Variants in MSH3 observed in about 807,000 individuals in gnomAD.
MSH3 encodes the protein mutS homolog 3.
In MSH3, 106 loss-of-function variants were observed where a neutral mutation model predicts 123.3. The observed-to-expected ratio is 0.86, with a 90% CI of 0.73 to 1.01. The LOEUF (loss-of-function observed/expected upper bound fraction) is 1.01, where lower values mean the gene tolerates loss of function less well. Among genes scored for constraint, MSH3 ranks in the 50% least tolerant of loss-of-function variants. MSH3 has a pLI of 0.00. For synonymous variants in MSH3, 515 were observed against 481.4 expected, an observed-to-expected ratio of 1.07 and a Z score of -0.91; for missense variants, 1,459 against 1,347.6, an observed-to-expected ratio of 1.08 and a Z score of -1.29.
At chr5:80,808,719 CT>C (rs1744945913) in intron 19 of MSH3, among the ~76,000 whole-genome samples, 1 of 151,396 alleles carries the variant, frequency 6.6e-6, no homozygotes, top group South Asian at 2.1e-4. Flanking sequence ...AAATGAAATG[CT>C]CAAAGAACAT....
At chr5:80,699,923 C>T (rs567447406) in intron 8 of MSH3, among the ~76,000 whole-genome samples, 5 of 152,260 alleles carry the variant, frequency 3.3e-5, no homozygotes, top group African/African-American at 4.8e-5. Flanking sequence ...TTGTGGTATT[C>T]GTAGGAAATC....
intron 20 of MSH3, among the ~76,000 whole-genome samples, chr5:80,853,794 C>T (rs1248867645): frequency 1.3e-5 from 2 of 152,102 alleles, no homozygotes; most frequent in African/African-American, 2.4e-5. Context: ...CTTTTAAACA[C>T]AGAAACACAG....
chr5:80,707,479 TTGGGAGGCCAAGG>T lies in MSH3; in HGVS notation c.1341-17966_1341-17954del, dbSNP rs902462622. Among the ~76,000 whole-genome samples the T allele has an allele frequency of 7.2e-5, 11 of 152,068 alleles. No individual in the cohort carries two copies. In the East Asian group the frequency reaches 9.6e-4, roughly 13 times the overall value. Reference sequence around the variant, plus strand: ...GGTTCACACCTATAATCCCAGCACTTTGGGAGGCCAAGGTGGGAGGACTGCTTGAGCCCAGAAG... The same window carrying T: ...GGTTCACACCTATAATCCCAGCACTTTGGGAGGACTGCTTGAGCCCAGAAG... On this transcript the variant is annotated intron_variant, in intron 8 of 23. Transcript: ENST00000265081.
Position 80,843,688 on chromosome 5 carries a change from G to C in MSH3, c.2814-10442G>C, listed in dbSNP as rs1373230082. Among the ~76,000 whole-genome samples the C allele has an allele frequency of 3.3e-5, 5 of 152,254 alleles. No individual in the cohort carries two copies. In the East Asian group the frequency reaches 9.6e-4, roughly 29 times the overall value. On this transcript the variant is annotated intron_variant, in intron 20 of 23. Coordinates refer to ENST00000265081, the MANE Select transcript of MSH3 (RefSeq NM_002439.5). ...TTCTTCTAGATTTTCTAGTGTATTTGCATAGAGGTGTTTATAATATTCTCT... is the reference window on the plus strand; with the variant it reads ...TTCTTCTAGATTTTCTAGTGTATTTCCATAGAGGTGTTTATAATATTCTCT...
At chr5:80,761,397 T>C (rs775883903) in intron 12 of MSH3, 149 bp from the exon 13 acceptor site, 88 of 957,384 alleles carry the variant, frequency 9.2e-5, no homozygotes, top group Non-Finnish European at 1.3e-4. Context: ...TGTCAGGGAG[T>C]CCTTCCCACA....
Position 80,674,967 on chromosome 5 carries a change from C to A in MSH3, c.1028-16C>A, listed in dbSNP as rs2112815882. On this transcript the variant is annotated splice_polypyrimidine_tract_variant and intron_variant, in intron 6 of 23. Coordinates refer to ENST00000265081, the MANE Select transcript of MSH3 (RefSeq NM_002439.5). ...TAGAATTTAGCATATAATTATTTTT[C>A]TTTAATTATTATTAAATGTGAATCC... is the stretch of plus-strand genomic sequence containing the variant. 1.2e-5 allele frequency: 19 copies of A among 1,530,650 alleles called. No individual in the cohort carries two copies. Among genetic ancestry groups the A allele is most frequent in the Non-Finnish European group, 1.7e-5 (19 of 1,118,294 alleles). 94.8% of individuals were successfully genotyped at this position (1,530,650 alleles called of 1,614,324 possible).
intron 15 of MSH3, among the ~76,000 whole-genome samples, chr5:80,774,688 T>C (rs772951736): frequency 6.6e-6 from 1 of 152,190 alleles, no homozygotes; most frequent in Non-Finnish European, 1.5e-5. Flanking sequence ...GAGGTCATTA[T>C]GTTAAGGGAA....
In MSH3 at chr5:80,817,872, GGT is replaced by G. The variant is rs1361398874; in HGVS notation, c.2813+4132_2813+4133del. Among the ~76,000 whole-genome samples, 8 of 152,254 alleles carry G rather than the reference GGT, an allele frequency of 5.3e-5. No individual in the cohort carries two copies. The East Asian group carries it at 1.5e-3, about 29-fold the overall frequency. On this transcript the variant is annotated intron_variant, in intron 20 of 23. Transcript: ENST00000265081. ...CCAAAGCAGAGACAACCAGACATTA[GGT>G]AAAAGTTTGTGACAACTTATGATGT...
At chr5:80,768,328 A>G (rs1744159268) in intron 14 of MSH3, among the ~76,000 whole-genome samples, 1 of 152,148 alleles carries the variant, frequency 6.6e-6, no homozygotes. Context: ...ACCATCTAGG[A>G]CAGATATAGT....
chr5:80,826,548 ATTTT>A (rs10625891), intron 20 of MSH3, among the ~76,000 whole-genome samples: 1 of 140,518 alleles, frequency 7.1e-6, no homozygotes. Flanking sequence ...GAGGTTAGGA[ATTTT>A]TTTTTTTTTT....
intron 8 of MSH3, among the ~76,000 whole-genome samples, chr5:80,706,433 CTG>C (rs1750724934): frequency 6.6e-6 from 1 of 152,160 alleles, no homozygotes; most frequent in African/African-American, 2.4e-5. Context: ...TTATGTAAGA[CTG>C]TAGAGTTCTT....
Position 80,689,318 on chromosome 5 carries a change from C to T in MSH3, c.1340+10225C>T, listed in dbSNP as rs115627668. On this transcript the variant is annotated intron_variant, in intron 8 of 23. Coordinates refer to ENST00000265081, the MANE Select transcript of MSH3 (RefSeq NM_002439.5). ...TAGATGTTTCTCAAATTTGGCCTACCAACCTTTTAATTTACTACTTTGTGT... is the reference window on the plus strand; with the variant it reads ...TAGATGTTTCTCAAATTTGGCCTACTAACCTTTTAATTTACTACTTTGTGT... Among the ~76,000 whole-genome samples the T allele has an allele frequency of 8.0e-3, 1,217 of 152,126 alleles. 10 individuals carry two copies. The highest frequency in any genetic ancestry group is 0.013 in the Non-Finnish European group (856 of 67,998).
chr5:80,836,354 A>G (rs1164639425), intron 20 of MSH3, among the ~76,000 whole-genome samples: 1 of 152,164 alleles, frequency 6.6e-6, no homozygotes, highest in Non-Finnish European at 1.5e-5. Flanking sequence ...ACTTGAGGGG[A>G]CTACAGAGAT....
Position 80,835,917 on chromosome 5 carries a change from AAAAG to A in MSH3, c.2814-18205_2814-18202del, listed in dbSNP as rs1330207782. On this transcript the variant is annotated intron_variant, in intron 20 of 23. Coordinates refer to ENST00000265081, the MANE Select transcript of MSH3 (RefSeq NM_002439.5). ...GCAACAGAGAGACTGTCTCAAAAAA[AAAAG>A]AAAGAAAATATTAATACTGTGGAGG... Among the ~76,000 whole-genome samples, 5 of 152,166 alleles carry A rather than the reference AAAAG, an allele frequency of 3.3e-5. No homozygotes were observed. The South Asian group carries it at 6.2e-4, about 19-fold the overall frequency.
Position 80,768,112 on chromosome 5 carries a change from A to G in MSH3, c.2076A>G (p.Gln692=), listed in dbSNP as rs776832946. The G allele has an allele frequency of 1.2e-6, 2 of 1,613,596 alleles. No individual in the cohort carries two copies. The highest frequency in any genetic ancestry group is 1.1e-5 in the South Asian group (1 of 91,080). Residue 692 remains glutamine, a synonymous_variant, in exon 14 of 24, where the codon CAA becomes CAG. Coordinates refer to ENST00000265081, the MANE Select transcript of MSH3 (RefSeq NM_002439.5). ...ATTACTTAAAGATACTCAATGAACAAGCTGCCAAGTAAGTACCAGACCCTG... is the reference window on the plus strand; with the variant it reads ...ATTACTTAAAGATACTCAATGAACAGGCTGCCAAGTAAGTACCAGACCCTG... The part of the protein sequence containing the change: ...VEHYLKILNE[Q]AAKVGDKTEL...
At chr5:80,872,380 T>C (rs1415613217) in intron 22 of MSH3, among the ~76,000 whole-genome samples, 4 of 152,088 alleles carry the variant, frequency 2.6e-5, no homozygotes, top group Admixed American at 2.6e-4. Flanking sequence ...GATGGGATAA[T>C]CACCTTGAAC....
chr5:80,742,230 G>A (rs545259502), intron 11 of MSH3, among the ~76,000 whole-genome samples: 1 of 152,100 alleles, frequency 6.6e-6, no homozygotes, highest in Non-Finnish European at 1.5e-5. Context: ...GGCTGGTCTC[G>A]AACTGTTGAC....
chr5:80,775,575 C>T, intron 15 of MSH3, 119 bp from the exon 16 acceptor site: 1 of 656,888 alleles, frequency 1.5e-6, no homozygotes, highest in South Asian at 1.8e-5. Context: ...AAAAACAATA[C>T]TGGACTTATC....
chr5:80,702,420 A>T (rs1750632549), intron 8 of MSH3, among the ~76,000 whole-genome samples: 1 of 152,184 alleles, frequency 6.6e-6, no homozygotes, highest in Admixed American at 6.5e-5. Flanking sequence ...ATATGGGAGC[A>T]TGACCACACC....
Sources: allele counts gnomAD v4.1 joint callset (sites outside exome capture counted in the v4.1 genomes callset), GRCh38; gene constraint gnomAD v4.1.1; transcripts MANE v1.5; gene names NCBI Gene and HGNC (gene_info 2026-07-23, HGNC 2026-07-21).